C3orf70: variants seen among roughly 807,000 people sequenced by gnomAD.
The protein encoded by C3orf70 is chromosome 3 open reading frame 70.
In C3orf70, 15 loss-of-function variants were observed where a neutral mutation model predicts 20.7. The ratio of observed to expected loss-of-function variants is 0.72; its 90% confidence interval spans 0.48 to 1.11. C3orf70 has a LOEUF of 1.11. Among genes scored for constraint, C3orf70 ranks in the 50% most tolerant of loss-of-function variants. C3orf70 has a pLI of 0.00. For synonymous variants in C3orf70, 161 were observed against 125.7 expected (o/e 1.28, Z -1.88); for missense variants, 332 against 317.6 (o/e 1.05, Z -0.34).
chr3:185,089,186 CT>C (rs1715516185), intron 1 of C3orf70, among the ~76,000 whole-genome samples: 1 of 151,808 alleles, frequency 6.6e-6, no homozygotes, highest in Non-Finnish European at 1.5e-5. Context: ...TATTTGGAGA[CT>C]TTTTTCCTCA....
chr3:185,122,991 A>C (rs1716333351), intron 1 of C3orf70, among the ~76,000 whole-genome samples: 1 of 148,348 alleles, frequency 6.7e-6, no homozygotes. Context: ...TCTCATCTCT[A>C]CTAAAAAAAA....
rs1354245060 is a variant in C3orf70 at position 185,081,756 on chromosome 3, T to C, written c.*1251A>G. 2 of 152,672 alleles carry C rather than the reference T, an allele frequency of 1.3e-5. No individual in the cohort carries two copies. Among genetic ancestry groups the C allele is most frequent in the African/African-American group, 4.8e-5 (2 of 41,470 alleles). 9.5% of individuals were successfully genotyped at this position (152,672 alleles called of 1,614,324 possible). Reference sequence around the variant, plus strand: ...GAGAGAACACATACAACAGACAGACTGTGTGGGAAAGTGAATGGCTATTAC... The same window carrying C: ...GAGAGAACACATACAACAGACAGACCGTGTGGGAAAGTGAATGGCTATTAC... On this transcript the variant is annotated 3_prime_UTR_variant, in exon 2 of 2. Transcript: ENST00000335012.
chr3:185,107,678 T>TC (rs1177464315), intron 1 of C3orf70, among the ~76,000 whole-genome samples: 5 of 152,092 alleles, frequency 3.3e-5, no homozygotes, highest in Non-Finnish European at 7.4e-5. Context: ...TCCAACATTT[T>TC]CCCCTTGGAA....
intron 1 of C3orf70, among the ~76,000 whole-genome samples, chr3:185,142,011 T>C (rs1231736610): frequency 6.6e-6 from 1 of 152,102 alleles, no homozygotes; most frequent in Non-Finnish European, 1.5e-5. Context: ...GCCTGGGACA[T>C]CTTGTGCCAG....
intron 1 of C3orf70, among the ~76,000 whole-genome samples, chr3:185,115,907 G>A (rs755237076): frequency 7.2e-5 from 11 of 152,114 alleles, no homozygotes; most frequent in Non-Finnish European, 1.5e-4. Flanking sequence ...CTCCACCCTC[G>A]TGAACTATTA....
At position 185,079,966 on chromosome 3, in the gene C3orf70, G is replaced by T. The variant is rs1032585279; in HGVS notation, c.*3041C>A. On this transcript the variant is annotated 3_prime_UTR_variant, in exon 2 of 2. Coordinates refer to ENST00000335012, the MANE Select transcript of C3orf70 (RefSeq NM_001025266.3). ...AGCAACATAGTATCAGCGTTACAGA[G>T]AATTCCTTCACATAATATAGAACAG... 6.6e-6 allele frequency: 1 copy of T among 152,636 alleles called. No individual in the cohort carries two copies. The highest frequency in any genetic ancestry group is 6.5e-5 in the Admixed American group (1 of 15,276). The allele number at this position is 152,636 out of a possible 1,614,324, so 9.5% of individuals were successfully genotyped here.
At chr3:185,123,076 G>A (rs894493077) in intron 1 of C3orf70, among the ~76,000 whole-genome samples, 30 of 150,224 alleles carry the variant, frequency 2.0e-4, no homozygotes, top group African/African-American at 6.9e-4. Context: ...TACTCAGGAG[G>A]CTAAGGCAGG....
chr3:185,120,026 A>AG (rs1716261227), intron 1 of C3orf70, among the ~76,000 whole-genome samples: 4 of 148,440 alleles, frequency 2.7e-5, no homozygotes, highest in Non-Finnish European at 4.5e-5. Flanking sequence ...TGTCTCAAAA[A>AG]AAAAAAAAAA....
rs1165946227 is a variant in C3orf70, at chr3:185,081,029, G to A, written c.*1978C>T. 6.6e-6 allele frequency: 1 copy of A among 152,078 alleles called. No homozygotes were observed. Among genetic ancestry groups the A allele is most frequent in the Non-Finnish European group, 1.5e-5 (1 of 68,022 alleles). 9.4% of individuals were successfully genotyped at this position (152,078 alleles called of 1,614,324 possible). On this transcript the variant is annotated 3_prime_UTR_variant, in exon 2 of 2. Coordinates refer to ENST00000335012, the MANE Select transcript of C3orf70 (RefSeq NM_001025266.3). ...TAAAAAAAAGTTCTATCTAGTAAAC[G>A]ACTTAAATTATACATACAACTGGGA...
chr3:185,097,979 G>C (rs139542701), intron 1 of C3orf70, among the ~76,000 whole-genome samples: 4 of 152,168 alleles, frequency 2.6e-5, no homozygotes, highest in African/African-American at 9.7e-5. Flanking sequence ...GACAATGTAG[G>C]TTTTCAAGAC....
chr3:185,096,920 A>AG (rs1715720517), intron 1 of C3orf70, among the ~76,000 whole-genome samples: 1 of 152,190 alleles, frequency 6.6e-6, no homozygotes, highest in Non-Finnish European at 1.5e-5. Context: ...CTGGGGAAGC[A>AG]GTGCGTTTCT....
At position 185,077,006 on chromosome 3, in the gene C3orf70, A is replaced by G. The variant is rs183759321; in HGVS notation, c.*6001T>C. Among the ~76,000 whole-genome samples, 15 of 152,366 alleles carry G rather than the reference A, an allele frequency of 9.8e-5. No individual in the cohort carries two copies. The highest frequency in any genetic ancestry group is 2.1e-4 in the Non-Finnish European group (14 of 68,032). ...CGCTGTCTGCAGGAATCACTTTAAAAGATCAGTTAGCTTTAGGAAAGGCAG... is the reference window on the plus strand; with the variant it reads ...CGCTGTCTGCAGGAATCACTTTAAAGGATCAGTTAGCTTTAGGAAAGGCAG... On this transcript the variant is annotated 3_prime_UTR_variant, in exon 2 of 2. Transcript: ENST00000335012.
chr3:185,145,700 A>G (rs905624392), intron 1 of C3orf70, among the ~76,000 whole-genome samples: 5 of 152,236 alleles, frequency 3.3e-5, no homozygotes, highest in African/African-American at 1.2e-4. Context: ...TGCCACAGGC[A>G]GCTAGGGGTA....
chr3:185,106,021 CT>C (rs1715930821), intron 1 of C3orf70, among the ~76,000 whole-genome samples: 1 of 152,202 alleles, frequency 6.6e-6, no homozygotes, highest in Non-Finnish European at 1.5e-5. Context: ...CCCTATCCTT[CT>C]GCACCCCCTC....
At chr3:185,085,952 A>G (rs1431549413) in intron 1 of C3orf70, among the ~76,000 whole-genome samples, 7 of 152,156 alleles carry the variant, frequency 4.6e-5, no homozygotes, top group Non-Finnish European at 1.0e-4. Flanking sequence ...GTAGTTACTG[A>G]GCTCAGGAGG....
chr3:185,108,928 G>A (rs1489391140), intron 1 of C3orf70, among the ~76,000 whole-genome samples: 1 of 152,222 alleles, frequency 6.6e-6, no homozygotes, highest in Non-Finnish European at 1.5e-5. Flanking sequence ...CTTTTCCAGT[G>A]TTTTGCGGTG....
chr3:185,139,738 A>G (rs1157199341), intron 1 of C3orf70, among the ~76,000 whole-genome samples: 1 of 152,152 alleles, frequency 6.6e-6, no homozygotes, highest in Non-Finnish European at 1.5e-5. Context: ...TGGAATGATA[A>G]TCTTTCAACA....
intron 1 of C3orf70, among the ~76,000 whole-genome samples, chr3:185,152,386 A>G (rs1169680361): frequency 1.3e-5 from 2 of 152,222 alleles, no homozygotes; most frequent in East Asian, 3.9e-4. Flanking sequence ...TTGTAGAAGT[A>G]GCTAAAGAAA....
chr3:185,107,872 A>C (rs369471611), intron 1 of C3orf70, among the ~76,000 whole-genome samples: 13 of 152,196 alleles, frequency 8.5e-5, no homozygotes, highest in African/African-American at 2.9e-4. Context: ...TTTTCAACTC[A>C]GCATTCACCT....
Sources: gnomAD v4.1 joint callset for allele counts (sites outside exome capture counted in the v4.1 genomes callset) on GRCh38, gnomAD v4.1.1 for gene constraint, MANE v1.5 for transcripts, NCBI Gene and HGNC (gene_info 2026-07-23, HGNC 2026-07-21) for gene names.